The following MRPS2 variants were observed in gnomAD, a reference collection of about 807,000 sequenced individuals.
MRPS2 encodes the protein mitochondrial ribosomal protein S2, also known as small ribosomal subunit protein uS2m.
A neutral mutation model predicts 18.9 loss-of-function variants in MRPS2; 13 were observed. That is an observed-to-expected ratio of 0.69 (90% CI 0.45 to 1.09). The LOEUF (loss-of-function observed/expected upper bound fraction) is 1.09. Among genes scored for constraint, MRPS2 ranks in the 50% least tolerant of loss-of-function variants. The pLI is 0.00. For missense variants in MRPS2, 389 were observed against 421.7 expected (o/e 0.92, Z 0.68); for synonymous variants, 186 against 178.4 (o/e 1.04, Z -0.34).
chr9:135,501,182 G>C lies in MRPS2; in HGVS notation c.169+59G>C, dbSNP rs1017697478. 4.6e-6 allele frequency: 7 copies of C among 1,516,352 alleles called. No individual in the cohort carries two copies. In the South Asian group the frequency reaches 8.7e-5, roughly 19 times the overall value. 93.9% of individuals were successfully genotyped at this position (1,516,352 alleles called of 1,614,324 possible). The stretch of plus-strand genomic sequence containing the variant: ...ACGAGGAGAGGCCGGCAGCCGCGGG[G>C]GATGCGAACCCTAGAGGGGCCTGGG... On this transcript the variant is annotated intron_variant, in intron 2 of 3. Transcript: ENST00000241600.
chr9:135,501,200 G>A (rs1266266680), intron 2 of MRPS2, 77 bp downstream of exon 2: 2 of 1,471,810 alleles, frequency 1.4e-6, no homozygotes, highest in Non-Finnish European at 1.8e-6. Context: ...ACCCTAGAGG[G>A]GCCTGGGCGC....
upstream of MRPS2, chr9:135,500,078 C>A: frequency 1.9e-6 from 1 of 533,270 alleles, no homozygotes; most frequent in Non-Finnish European, 3.2e-6. Flanking sequence ...GGCCCCCAGC[C>A]ACCCGCGGGG....
intron 2 of MRPS2, chr9:135,501,382 G>A: frequency 3.0e-6 from 4 of 1,313,658 alleles, no homozygotes; most frequent in Middle Eastern, 2.9e-4. Flanking sequence ...CTAGGGGGGT[G>A]TCACTGGACC....
At chr9:135,503,476 G>C in intron 3 of MRPS2, 66 bp from the exon 4 acceptor site, 1 of 1,507,900 alleles carries the variant, frequency 6.6e-7, no homozygotes, top group Non-Finnish European at 8.9e-7. Flanking sequence ...CTGTGTTCCT[G>C]CAAGGAGCCA....
At position 135,503,992 on chromosome 9, in the gene MRPS2, C is replaced by T. The variant is rs780957972; in HGVS notation, c.750C>T (p.Cys250=). The T allele has an allele frequency of 2.5e-6, 4 of 1,613,630 alleles. No homozygotes were observed. The highest frequency in any genetic ancestry group is 3.4e-6 in the Non-Finnish European group (4 of 1,180,036). The change falls in exon 4 of 4, where the codon TGC becomes TGT. Residue 250 remains cysteine, a synonymous_variant. Coordinates refer to ENST00000241600, the MANE Select transcript of MRPS2 (RefSeq NM_016034.5). ...DDSPLAVHLY[C]RLFQTAITRA... ...CTCCGCTGGCTGTGCACCTCTACTG[C>T]AGGCTCTTCCAGACGGCCATCACCC... is the stretch of plus-strand genomic sequence containing the variant.
chr9:135,500,470 G>A (rs181529426), upstream of MRPS2: 1,250 of 457,244 alleles, frequency 2.7e-3, 10 homozygotes, highest in African/African-American at 0.022. Flanking sequence ...TTAGCAGGGC[G>A]GGGCGAGCTG....
In MRPS2 at chr9:135,501,044, C is replaced by T. The variant is rs777701411; in HGVS notation, c.90C>T (p.Thr30=). ...GGTTGGGCTTTCTCGGGAAGGCGAC[C>T]CCCCGGCCTGCTCGGCCGAGCCGCA... is the stretch of plus-strand genomic sequence containing the variant. ...SRWLGFLGKA[T]PRPARPSRRT... The change falls in exon 2 of 4, where the codon ACC becomes ACT. Residue 30 remains threonine, a synonymous_variant. Transcript: ENST00000241600. 1.4e-5 allele frequency: 22 copies of T among 1,611,138 alleles called. No individual in the cohort carries two copies. In the East Asian group the frequency reaches 3.6e-4, roughly 26 times the overall value.
At chr9:135,501,820 C>T (rs771093538) in intron 2 of MRPS2, 24 bp from the exon 3 acceptor site, 4 of 1,611,682 alleles carry the variant, frequency 2.5e-6, no homozygotes, top group Middle Eastern at 1.7e-4. Context: ...GGAGACGCAG[C>T]GTCGCTCCTC....
At chr9:135,500,088 G>A, upstream of MRPS2, 1 of 521,650 alleles carries the variant, frequency 1.9e-6, no homozygotes, top group East Asian at 3.5e-5. Flanking sequence ...CACCCGCGGG[G>A]GGACCGGGCC....
intron 3 of MRPS2, among the ~76,000 whole-genome samples, chr9:135,502,882 A>C (rs1484196700): frequency 1.3e-5 from 2 of 152,146 alleles, no homozygotes; most frequent in Non-Finnish European, 2.9e-5. Context: ...GACCTTGGCA[A>C]GATGGAGGTC....
At chr9:135,500,090 G>T, upstream of MRPS2, 1 of 519,276 alleles carries the variant, frequency 1.9e-6, no homozygotes, top group Non-Finnish European at 3.3e-6. Flanking sequence ...CCCGCGGGGG[G>T]ACCGGGCCAC....
At chr9:135,502,489 G>A in intron 3 of MRPS2, 1 of 189,148 alleles carries the variant, frequency 5.3e-6, no homozygotes, top group Non-Finnish European at 1.0e-5. Context: ...AGGCAGCAGG[G>A]CAGAGCCAGT....
intron 3 of MRPS2, chr9:135,502,349 G>T: frequency 1.5e-6 from 1 of 656,900 alleles, no homozygotes; most frequent in Non-Finnish European, 1.9e-6. Flanking sequence ...TGGTCATTTT[G>T]ACTGCTGTGG....
chr9:135,503,819 A>G lies in MRPS2; in HGVS notation c.577A>G (p.Ile193Val), dbSNP rs1489557006. The change falls in exon 4 of 4, where the codon ATC (isoleucine) becomes GTC (valine). Residue 193 changes from isoleucine (I) to valine (V), a missense_variant. By Grantham distance (29) the Ile-to-Val change is conservative. Transcript: ENST00000241600. ...CCCCACGGTCCGCCTGCCGGACCTC[A>G]TCATCTTCCTGCACACGCTCAACAA... ...FGPTVRLPDL[I>V]IFLHTLNNIF... The G allele has an allele frequency of 2.5e-5, 41 of 1,613,496 alleles. No individual in the cohort carries two copies. The highest frequency in any genetic ancestry group is 8.9e-5 in the East Asian group (4 of 44,888).
At chr9:135,500,538 G>A (rs1048876492), upstream of MRPS2, 14 of 613,744 alleles carry the variant, frequency 2.3e-5, no homozygotes, top group Non-Finnish European at 3.1e-5. Flanking sequence ...AGGACCCCGG[G>A]CCCTGACCCC....
chr9:135,503,623 G>A lies in MRPS2; in HGVS notation c.381G>A (p.Leu127=). ...DLEQTATHLQ[L]ALNFTAHMAY... is the part of the protein sequence containing the mutation. The stretch of plus-strand genomic sequence containing the variant: ...AACAGACAGCCACGCACCTCCAGCT[G>A]GCCTTGAACTTCACCGCCCACATGG... The change falls in exon 4 of 4, where the codon CTG becomes CTA. Residue 127 remains leucine, a synonymous_variant. Coordinates refer to ENST00000241600, the MANE Select transcript of MRPS2 (RefSeq NM_016034.5). The A allele has an allele frequency of 8.1e-6, 13 of 1,613,800 alleles. No individual in the cohort carries two copies. The highest frequency in any genetic ancestry group is 1.1e-5 in the South Asian group (1 of 91,076).
chr9:135,503,653 C>T lies in MRPS2; in HGVS notation c.411C>T (p.Tyr137=), dbSNP rs1831205891. Residue 137 remains tyrosine, a synonymous_variant, in exon 4 of 4, where the codon TAC becomes TAT. Coordinates refer to ENST00000241600, the MANE Select transcript of MRPS2 (RefSeq NM_016034.5). ...LALNFTAHMA[Y]RKGIILFISR... Reference sequence around the variant, plus strand: ...TGAACTTCACCGCCCACATGGCCTACCGCAAGGGCATCATCTTGTTTATAA... The same window carrying T: ...TGAACTTCACCGCCCACATGGCCTATCGCAAGGGCATCATCTTGTTTATAA... 1.2e-6 allele frequency: 2 copies of T among 1,613,776 alleles called. No homozygotes were observed. Among genetic ancestry groups the T allele is most frequent in the Admixed American group, 3.3e-5 (2 of 60,002 alleles).
At chr9:135,502,813 C>T (rs1273079023) in intron 3 of MRPS2, among the ~76,000 whole-genome samples, 1 of 152,106 alleles carries the variant, frequency 6.6e-6, no homozygotes, top group South Asian at 2.1e-4. Context: ...GAGGGACAGC[C>T]GGGGGTAGGG....
chr9:135,501,419 C>T, intron 2 of MRPS2: 1 of 1,175,854 alleles, frequency 8.5e-7, no homozygotes, highest in Non-Finnish European at 1.1e-6. Flanking sequence ...CCGAGCTCGC[C>T]CAGGCGGGCC....
Sources: allele counts gnomAD v4.1 joint callset (sites outside exome capture counted in the v4.1 genomes callset), GRCh38; gene constraint gnomAD v4.1.1; transcripts MANE v1.5; gene names NCBI Gene and HGNC (gene_info 2026-07-23, HGNC 2026-07-21).